The following GCN1 variants were observed in gnomAD, a reference collection of about 807,000 sequenced individuals.
The protein encoded by GCN1 is stalled ribosome sensor GCN1.
GCN1 carries 90 observed loss-of-function variants against 288.4 expected under a neutral mutation model. The ratio of observed to expected loss-of-function variants is 0.31; its 90% CI spans 0.26 to 0.37. The LOEUF is 0.37. GCN1 is among the 10% of genes least tolerant of loss of function. The pLI, the probability that GCN1 is intolerant of heterozygous loss-of-function variation, is 1.00. For synonymous variants in GCN1, 1,386 were observed against 1,420.2 expected (o/e 0.98, Z 0.54); for missense variants, 2,586 against 3,419.9 (o/e 0.76, Z 6.08).
At chr12:120,174,375 T>C (rs933300684) in intron 12 of GCN1, among the ~76,000 whole-genome samples, 8 of 152,174 alleles carry the variant, frequency 5.3e-5, no homozygotes, top group African/African-American at 1.9e-4. Context: ...CTGCTAGACC[T>C]GAACAAGTCC....
At chr12:120,129,640 C>T in intron 56 of GCN1, 146 bp from the exon 57 acceptor site, 1 of 651,904 alleles carries the variant, frequency 1.5e-6, no homozygotes. Context: ...TGACTCGACC[C>T]TGGTTTCCTG....
chr12:120,133,912 G>C (rs1876911426), intron 53 of GCN1, among the ~76,000 whole-genome samples: 4 of 152,102 alleles, frequency 2.6e-5, no homozygotes, highest in Non-Finnish European at 5.9e-5. Context: ...TCTACTAAAA[G>C]TACAAGTATT....
At position 120,149,673 on chromosome 12, in the gene GCN1, G is replaced by C. The variant is rs751724376; in HGVS notation, c.4479C>G (p.His1493Gln). ...AKAVMSNLSA[H>Q]GVKLVLPSLL... Reference sequence around the variant, plus strand: ...AGGAGGGGAGCACCAGCTTCACCCCGTGAGCACTCAAGTTGCTCATCACAG... The same window carrying C: ...AGGAGGGGAGCACCAGCTTCACCCCCTGAGCACTCAAGTTGCTCATCACAG... Residue 1493 changes from histidine (H) to glutamine (Q), a missense_variant, in exon 36 of 58, where the codon CAC becomes CAG. By Grantham distance (24) the His-to-Gln change is conservative (BLOSUM62 0). Transcript: ENST00000300648. 1.2e-6 allele frequency: 2 copies of C among 1,614,056 alleles called. No homozygotes were observed. The highest frequency in any genetic ancestry group is 1.7e-6 in the Non-Finnish European group (2 of 1,180,004).
At position 120,173,760 on chromosome 12, in the gene GCN1, T is replaced by C. The variant is rs564880655; in HGVS notation, c.1259A>G (p.Glu420Gly). The C allele has an allele frequency of 6.2e-7, 1 of 1,613,458 alleles. No homozygotes were observed. Among genetic ancestry groups the C allele is most frequent in the Admixed American group, 1.7e-5 (1 of 60,014 alleles). ...CCATTCAGTGAGCTTCTTGGGCACT[T>C]CCATAGTGAATCGGTTACACCAGAG... ...LALWCNRFTM[E>G]VPKKLTEWFK... The change falls in exon 14 of 58, where the codon GAA (glutamate) becomes GGA (glycine). Residue 420 changes from glutamate to glycine, a missense_variant. By Grantham distance (98) the Glu-to-Gly change is moderately conservative (BLOSUM62 -2). Coordinates refer to ENST00000300648, the MANE Select transcript of GCN1 (RefSeq NM_006836.2).
At position 120,163,104 on chromosome 12, in the gene GCN1, C is replaced by T. The variant is rs1566310387; in HGVS notation, c.2004G>A (p.Gln668=). The T allele has an allele frequency of 1.2e-6, 2 of 1,614,256 alleles. No individual in the cohort carries two copies. The highest frequency in any genetic ancestry group is 1.7e-6 in the Non-Finnish European group (2 of 1,180,046). Residue 668 remains glutamine, a synonymous_variant, in exon 19 of 58, where the codon CAG becomes CAA. Coordinates refer to ENST00000300648, the MANE Select transcript of GCN1 (RefSeq NM_006836.2). ...GDVTDTEQLA[Q]EMLIISHHPS... ...GGTGGTGGGAGATGATCAGCATTTCCTGGGCCAGTTGTTCAGTGTCGGTGA... is the reference window on the plus strand; with the variant it reads ...GGTGGTGGGAGATGATCAGCATTTCTTGGGCCAGTTGTTCAGTGTCGGTGA...
intron 2 of GCN1, among the ~76,000 whole-genome samples, chr12:120,186,383 A>C (rs1183368492): frequency 6.6e-6 from 1 of 152,160 alleles, no homozygotes; most frequent in Non-Finnish European, 1.5e-5. Context: ...TCAAAAAAAA[A>C]AAAAGAGTGC....
chr12:120,134,725 A>G lies in GCN1; in HGVS notation c.7010T>C (p.Val2337Ala). ...LETLSLLLAK[V>A]GIALKPFLPQ... Reference sequence around the variant, plus strand: ...CAGGAAGGGCTTCAGGGCAATCCCAACCTGTGGGAGGAACCCACATCCATG... The same window carrying G: ...CAGGAAGGGCTTCAGGGCAATCCCAGCCTGTGGGAGGAACCCACATCCATG... Residue 2337 changes from valine (V) to alanine (A), a missense_variant and splice_region_variant, in exon 52 of 58, where the codon GTT becomes GCT. Around this residue, in one of 8 missense-constraint regions of GCN1, gnomAD observed 17 missense variants for 52.8 expected, o/e 0.32. Coordinates refer to ENST00000300648, the MANE Select transcript of GCN1 (RefSeq NM_006836.2). The surrounding 1 kb of genome is among the most constrained non-coding windows in gnomAD (Gnocchi z 5.0). 5 of 1,612,092 alleles carry G rather than the reference A, an allele frequency of 3.1e-6. No homozygotes were observed. Among genetic ancestry groups the G allele is most frequent in the Non-Finnish European group, 4.2e-6 (5 of 1,179,786 alleles).
intron 54 of GCN1, 52 bp downstream of exon 54, chr12:120,131,874 G>A (rs547209935): frequency 2.2e-5 from 26 of 1,159,840 alleles, no homozygotes; most frequent in East Asian, 5.0e-5. Flanking sequence ...TCGACTCTTC[G>A]CTAGGGCTGA....
intron 56 of GCN1, 119 bp from the exon 57 acceptor site, chr12:120,129,613 G>T: frequency 1.3e-6 from 1 of 744,098 alleles, no homozygotes; most frequent in Non-Finnish European, 2.3e-6. Context: ...CCCTGCTCCT[G>T]TGGGAGGGTC....
At position 120,131,963 on chromosome 12, in the gene GCN1, T is replaced by G; in HGVS notation, c.7377A>C (p.Glu2459Asp). 1 of 1,606,076 alleles carries G rather than the reference T, an allele frequency of 6.2e-7. No homozygotes were observed. Among genetic ancestry groups the G allele is most frequent in the Non-Finnish European group, 8.5e-7 (1 of 1,175,732 alleles). Residue 2459 changes from glutamate to aspartate, a missense_variant, in exon 54 of 58, where the codon GAA becomes GAC. Coordinates refer to ENST00000300648, the MANE Select transcript of GCN1 (RefSeq NM_006836.2). ...GCTGTAGAACGGCACTAAGCTCCTC[T>G]TCAGTCAAAAAGGCACACAGTTCCC... ...CLGELCAFLTEEELSAVLQQC... is the reference protein window; with the variant it reads ...CLGELCAFLTDEELSAVLQQC...
At position 120,177,571 on chromosome 12, in the gene GCN1, A is replaced by T; in HGVS notation, c.730-16T>A. 2 of 1,575,280 alleles carry T rather than the reference A, an allele frequency of 1.3e-6. No homozygotes were observed. The highest frequency in any genetic ancestry group is 1.7e-6 in the Non-Finnish European group (2 of 1,144,610). ...CACAGCTATCCTACAAAGAAAAAGGAATAAGGCACCTAGCCCTCATGGGAA... is the reference window on the plus strand; with the variant it reads ...CACAGCTATCCTACAAAGAAAAAGGTATAAGGCACCTAGCCCTCATGGGAA... On this transcript the variant is annotated splice_polypyrimidine_tract_variant and intron_variant, in intron 8 of 57. Transcript: ENST00000300648.
intron 24 of GCN1, 83 bp downstream of exon 24, chr12:120,159,742 C>G: frequency 8.2e-7 from 1 of 1,224,934 alleles, no homozygotes. Flanking sequence ...ACCCACCTCC[C>G]CACAAGCACT....
intron 18 of GCN1, among the ~76,000 whole-genome samples, chr12:120,163,859 G>C (rs921243241): frequency 1.3e-5 from 2 of 152,160 alleles, no homozygotes; most frequent in African/African-American, 2.4e-5. Flanking sequence ...ACGGTGGCTC[G>C]TGCCTGTAAT....
intron 16 of GCN1, among the ~76,000 whole-genome samples, chr12:120,167,013 T>TCAACAACAA (rs752979738): frequency 6.7e-6 from 1 of 149,082 alleles, no homozygotes; most frequent in Admixed American, 6.7e-5. Context: ...AGATCCTGTC[T>TCAACAACAA]CAACAACAAC....
chr12:120,137,419 T>A lies in GCN1; in HGVS notation c.6664-100A>T. 2 of 1,400,778 alleles carry A rather than the reference T, an allele frequency of 1.4e-6. No homozygotes were observed. The highest frequency in any genetic ancestry group is 1.8e-4 in the Middle Eastern group (1 of 5,644). The allele number at this position is 1,400,778 out of a possible 1,614,324, so 86.8% of individuals were successfully genotyped here. A position where few individuals can be genotyped will look rare whatever the true frequency, so the allele number is the denominator to read the frequency against. On this transcript the variant is annotated intron_variant, in intron 49 of 57. Transcript: ENST00000300648. The surrounding 1 kb of genome is among the most constrained non-coding windows in gnomAD (Gnocchi z 5.2). ...CGTGGGCGGGAGTATAAACAAGACT[T>A]GCCACGAGTGGGTAAACGCCGAAGC...
intron 56 of GCN1, 35 bp downstream of exon 56, chr12:120,130,611 G>T (rs1250005524): frequency 2.1e-6 from 3 of 1,401,378 alleles, no homozygotes; most frequent in Non-Finnish European, 3.0e-6. Context: ...CAAGCCAGGT[G>T]TTAGGGCTTA....
At chr12:120,187,365 C>A (rs1310329314) in intron 2 of GCN1, among the ~76,000 whole-genome samples, 1 of 151,924 alleles carries the variant, frequency 6.6e-6, no homozygotes, top group Non-Finnish European at 1.5e-5. Flanking sequence ...AGGTGCCCAC[C>A]ACCACACCCA....
intron 37 of GCN1, among the ~76,000 whole-genome samples, 173 bp from the exon 38 acceptor site, chr12:120,147,445 G>A (rs571713900): frequency 5.9e-5 from 9 of 152,138 alleles, no homozygotes; most frequent in Non-Finnish European, 8.8e-5. Flanking sequence ...AGCAATCCTT[G>A]TTTCACTCCA....
At chr12:120,161,367 A>C in intron 22 of GCN1, 123 bp downstream of exon 22, 1 of 692,932 alleles carries the variant, frequency 1.4e-6, no homozygotes, top group Non-Finnish European at 2.6e-6. Flanking sequence ...CAGGGGCATC[A>C]GAGGAGTGTG....
Sources: gnomAD v4.1 joint callset for allele counts (sites outside exome capture counted in the v4.1 genomes callset) on GRCh38, gnomAD v4.1.1 for gene constraint, gnomAD v4.1.1 regional missense constraint, Gnocchi (gnomAD v3.1) non-coding constraint, MANE v1.5 for transcripts, NCBI Gene and HGNC (gene_info 2026-07-23, HGNC 2026-07-21) for gene names.